Variants in CDH13 observed in about 807,000 individuals in gnomAD.
The protein encoded by CDH13 is cadherin-13.
In CDH13, 24 loss-of-function variants were observed where a neutral mutation model predicts 63.8. The ratio of observed to expected loss-of-function variants is 0.38; its 90% CI spans 0.27 to 0.53. The LOEUF (loss-of-function observed/expected upper bound fraction) is 0.53. Among genes scored for constraint, CDH13 ranks in the 20% least tolerant of loss-of-function variants. The pLI, the probability that CDH13 is intolerant of heterozygous loss-of-function variation, is 0.85. For synonymous variants in CDH13, 503 were observed against 355.3 expected, an observed-to-expected ratio of 1.42 and a Z score of -4.67; for missense variants, 1,049 against 903.1, an observed-to-expected ratio of 1.16 and a Z score of -2.07.
intron 7 of CDH13, among the ~76,000 whole-genome samples, chr16:83,496,624 C>T (rs1341304825): frequency 6.6e-6 from 1 of 152,114 alleles, no homozygotes; most frequent in South Asian, 2.1e-4. Context: ...GTCTAAAACA[C>T]CAAAAGCAAT....
chr16:83,566,563 T>C (rs957657038), intron 7 of CDH13, among the ~76,000 whole-genome samples: 3 of 152,116 alleles, frequency 2.0e-5, no homozygotes, highest in Admixed American at 6.5e-5. Context: ...GCAAGCCGTT[T>C]TGTGCTTCCT....
rs553222642 is a variant in CDH13, at chr16:83,535,272, T to C, written c.960+48617T>C. Among the ~76,000 whole-genome samples the C allele has an allele frequency of 4.3e-4, 65 of 152,320 alleles. 2 individuals are homozygous for C. Among genetic ancestry groups the C allele is most frequent in the Admixed American group, 8.5e-4 (13 of 15,302 alleles). On this transcript the variant is annotated intron_variant, in intron 7 of 13. Transcript: ENST00000567109. The stretch of plus-strand genomic sequence containing the variant: ...GGCTGGAAAGAGACACAGGCTTTTA[T>C]TGGCCAAATTAAGGACTTGGGTCAG...
intron 7 of CDH13, among the ~76,000 whole-genome samples, chr16:83,539,255 G>A (rs1158933893): frequency 6.6e-6 from 1 of 152,110 alleles, no homozygotes; most frequent in East Asian, 1.9e-4. Context: ...ATTCTCATAA[G>A]GAACATGCAA....
Position 83,133,475 on chromosome 16 carries a change from C to G in CDH13, c.483+7974C>G, listed in dbSNP as rs1236902397. 2.0e-5 allele frequency among the ~76,000 whole-genome samples: 3 copies of G among 151,890 alleles called. 1 individual carries two copies. The highest frequency in any genetic ancestry group is 4.2e-4 in the South Asian group (2 of 4,806). On this transcript the variant is annotated intron_variant, in intron 4 of 13. Transcript: ENST00000567109. ...TCAGATGGTGCTAATGTAAATAAGG[C>G]CTATTTTTGATACAGTCTCTCCTCA...
intron 1 of CDH13, among the ~76,000 whole-genome samples, chr16:82,713,517 C>T (rs1054965757): frequency 1.3e-5 from 2 of 152,058 alleles, no homozygotes; most frequent in Non-Finnish European, 2.9e-5. Context: ...ACACTCTGTG[C>T]GGTGTTTCCG....
chr16:83,179,624 C>T (rs1332826815), intron 4 of CDH13, among the ~76,000 whole-genome samples: 1 of 151,032 alleles, frequency 6.6e-6, no homozygotes, highest in Non-Finnish European at 1.5e-5. Context: ...GGCACTCCAG[C>T]CTGGGCTACA....
intron 2 of CDH13, among the ~76,000 whole-genome samples, chr16:82,865,682 A>T (rs558545606): frequency 6.6e-6 from 1 of 152,298 alleles, no homozygotes; most frequent in East Asian, 1.9e-4. Flanking sequence ...GACCTCTGAG[A>T]TGCCCTGGAG....
intron 6 of CDH13, among the ~76,000 whole-genome samples, chr16:83,400,942 A>C (rs2091958928): frequency 6.6e-6 from 1 of 152,088 alleles, no homozygotes; most frequent in South Asian, 2.1e-4. Flanking sequence ...GGTGGCTCAC[A>C]CCAGTAATCC....
intron 6 of CDH13, among the ~76,000 whole-genome samples, chr16:83,419,001 A>C: frequency 6.6e-6 from 1 of 152,140 alleles, no homozygotes; most frequent in East Asian, 1.9e-4. Context: ...CCAACTTTGC[A>C]CTGCCTTCAT....
At chr16:83,748,497 C>T (rs1021372126) in intron 11 of CDH13, among the ~76,000 whole-genome samples, 2 of 152,120 alleles carry the variant, frequency 1.3e-5, no homozygotes, top group Admixed American at 6.5e-5. Context: ...CTCACCCTGT[C>T]CCATCTTGGG....
At chr16:83,658,851 G>A (rs1311140185) in intron 8 of CDH13, among the ~76,000 whole-genome samples, 132 of 59,260 alleles carry the variant, frequency 2.2e-3, no homozygotes, top group Admixed American at 3.0e-3. Context: ...ACCAGGTCCC[G>A]TATCCTCACC....
At chr16:82,809,159 CCAA>C (rs1352683291) in intron 1 of CDH13, among the ~76,000 whole-genome samples, 13 of 152,188 alleles carry the variant, frequency 8.5e-5, no homozygotes, top group African/African-American at 3.1e-4. Context: ...TCACTCCTCC[CCAA>C]CATTGAATGA....
chr16:83,440,856 C>A (rs1353325098), intron 6 of CDH13, among the ~76,000 whole-genome samples: 2 of 150,768 alleles, frequency 1.3e-5, no homozygotes, highest in Non-Finnish European at 2.9e-5. Context: ...CCTGGCCTTT[C>A]TTAATTGTCC....
intron 6 of CDH13, among the ~76,000 whole-genome samples, chr16:83,427,974 G>T (rs2071964859): frequency 6.6e-6 from 1 of 152,220 alleles, no homozygotes; most frequent in African/African-American, 2.4e-5. Flanking sequence ...GAAAAGCCAG[G>T]GTGATCTGTA....
intron 1 of CDH13, among the ~76,000 whole-genome samples, chr16:82,736,116 C>T (rs1288924536): frequency 6.6e-6 from 1 of 152,194 alleles, no homozygotes; most frequent in Non-Finnish European, 1.5e-5. Flanking sequence ...GTAAGCTGCG[C>T]TGAGGTTTTG....
At chr16:82,936,214 C>G (rs891779568) in intron 2 of CDH13, among the ~76,000 whole-genome samples, 2 of 152,174 alleles carry the variant, frequency 1.3e-5, no homozygotes, top group Non-Finnish European at 2.9e-5. Flanking sequence ...TTGTCTATGT[C>G]TGCAGCTCAA....
chr16:82,708,689 A>C (rs559398217), intron 1 of CDH13, among the ~76,000 whole-genome samples: 1 of 152,256 alleles, frequency 6.6e-6, no homozygotes, highest in East Asian at 1.9e-4. Flanking sequence ...AAACACCATG[A>C]CCACTCTAAA....
chr16:83,397,013 A>C (rs903151740), intron 6 of CDH13, among the ~76,000 whole-genome samples: 3 of 152,176 alleles, frequency 2.0e-5, no homozygotes, highest in African/African-American at 7.2e-5. Context: ...TGGGAAGCCA[A>C]GCAGCCTTGG....
chr16:83,768,769 G>T (rs764317036), intron 11 of CDH13, among the ~76,000 whole-genome samples: 3 of 151,900 alleles, frequency 2.0e-5, no homozygotes, highest in African/African-American at 7.3e-5. Flanking sequence ...GTGCTGGTTG[G>T]AGTGTAGCAA....
Sources: allele counts gnomAD v4.1 joint callset (sites outside exome capture counted in the v4.1 genomes callset), GRCh38; gene constraint gnomAD v4.1.1; transcripts MANE v1.5; gene names NCBI Gene and HGNC (gene_info 2026-07-23, HGNC 2026-07-21).